Variants in TBC1D19 observed in about 807,000 individuals in gnomAD.
TBC1D19 encodes TBC1 domain family member 19, also known as TBC1 domain family, member 19.
In TBC1D19, 60 loss-of-function variants were observed where a neutral mutation model predicts 89.0. The ratio of observed to expected loss-of-function variants is 0.67; its 90% CI spans 0.55 to 0.84. The LOEUF (loss-of-function observed/expected upper bound fraction) is 0.84, where lower values mean the gene tolerates loss of function less well. Among genes scored for constraint, TBC1D19 ranks in the 40% least tolerant of loss-of-function variants. The pLI, the probability that TBC1D19 is intolerant of heterozygous loss-of-function variation, is 0.00. For synonymous variants in TBC1D19, 189 were observed against 199.7 expected (o/e 0.95, Z 0.45); for missense variants, 500 against 610.8 (o/e 0.82, Z 1.91).
At chr4:26,703,456 G>C in intron 13 of TBC1D19, among the ~76,000 whole-genome samples, 1 of 152,202 alleles carries the variant, frequency 6.6e-6, no homozygotes, top group Middle Eastern at 3.4e-3. Context: ...TTAATTACAG[G>C]CATTCCTTTA....
intron 7 of TBC1D19, among the ~76,000 whole-genome samples, chr4:26,647,193 A>G (rs1369285764): frequency 6.6e-6 from 1 of 152,148 alleles, no homozygotes; most frequent in Non-Finnish European, 1.5e-5. Context: ...ATCACCTTCA[A>G]GTATCTAGGT....
At chr4:26,820,347 C>G in the TBC1D19 span, among the ~76,000 whole-genome samples, 1 of 152,202 alleles carries the variant, frequency 6.6e-6, no homozygotes, top group Non-Finnish European at 1.5e-5. Context: ...CTGCCCACCC[C>G]TATCCTCCAA....
the TBC1D19 span, among the ~76,000 whole-genome samples, chr4:26,800,240 G>A: frequency 6.6e-6 from 1 of 152,162 alleles, no homozygotes. Context: ...CCACCTATGA[G>A]TGAGAACATG....
intron 7 of TBC1D19, among the ~76,000 whole-genome samples, chr4:26,648,403 T>C (rs1314352751): frequency 6.6e-6 from 1 of 152,334 alleles, no homozygotes; most frequent in Middle Eastern, 3.4e-3. Flanking sequence ...ATATTACAAC[T>C]GACTAGTTAG....
the TBC1D19 span, among the ~76,000 whole-genome samples, chr4:26,809,210 G>A: frequency 1.3e-5 from 2 of 152,144 alleles, no homozygotes; most frequent in Non-Finnish European, 2.9e-5. Flanking sequence ...TTCTCCATCT[G>A]CCCCTCCAGG....
intron 12 of TBC1D19, among the ~76,000 whole-genome samples, chr4:26,685,807 G>A (rs1713761949): frequency 6.6e-6 from 1 of 152,114 alleles, no homozygotes; most frequent in Non-Finnish European, 1.5e-5. Flanking sequence ...GAGATCTTTT[G>A]GCCTGTAAGA....
the TBC1D19 span, among the ~76,000 whole-genome samples, chr4:26,797,687 A>T: frequency 6.6e-6 from 1 of 152,222 alleles, no homozygotes; most frequent in Non-Finnish European, 1.5e-5. Flanking sequence ...GTGCTGCTAC[A>T]AAATTAGACA....
At chr4:26,681,851 T>A (rs974837258) in intron 11 of TBC1D19, among the ~76,000 whole-genome samples, 1 of 152,206 alleles carries the variant, frequency 6.6e-6, no homozygotes, top group African/African-American at 2.4e-5. Context: ...GACTATGATA[T>A]GATTCCATTT....
the TBC1D19 span, among the ~76,000 whole-genome samples, chr4:26,805,893 G>A: frequency 6.6e-6 from 1 of 152,238 alleles, no homozygotes; most frequent in African/African-American, 2.4e-5. Flanking sequence ...GGTTGAACCT[G>A]GGAGGTGGTT....
the TBC1D19 span, among the ~76,000 whole-genome samples, chr4:26,832,166 A>C: frequency 6.6e-6 from 1 of 152,194 alleles, no homozygotes; most frequent in Non-Finnish European, 1.5e-5. Context: ...AAATAAAACT[A>C]TATTCTTTAA....
intron 13 of TBC1D19, among the ~76,000 whole-genome samples, chr4:26,698,848 A>T (rs1216934547): frequency 6.6e-6 from 1 of 152,226 alleles, no homozygotes; most frequent in Non-Finnish European, 1.5e-5. Context: ...CTTACACCTT[A>T]TACAAAAATT....
At chr4:26,851,357 C>CTGTCTATCTATT in the TBC1D19 span, among the ~76,000 whole-genome samples, 8 of 151,144 alleles carry the variant, frequency 5.3e-5, no homozygotes, top group African/African-American at 2.0e-4. Context: ...ATCTATCTAT[C>CTGTCTATCTATT]TATCATCTAT....
chr4:26,633,596 C>G (rs1430384420), intron 4 of TBC1D19, among the ~76,000 whole-genome samples: 2 of 152,100 alleles, frequency 1.3e-5, no homozygotes, highest in Non-Finnish European at 2.9e-5. Context: ...CAGATAACGG[C>G]AGTCCTGTTC....
At chr4:26,685,622 T>C (rs1051566963) in intron 12 of TBC1D19, among the ~76,000 whole-genome samples, 20 of 152,224 alleles carry the variant, frequency 1.3e-4, no homozygotes, top group African/African-American at 4.8e-4. Flanking sequence ...TTCAGAACTG[T>C]ATTCTTAACC....
chr4:26,847,400 G>A, the TBC1D19 span, among the ~76,000 whole-genome samples: 1 of 152,236 alleles, frequency 6.6e-6, no homozygotes, highest in African/African-American at 2.4e-5. Context: ...TGTGCAAAGA[G>A]CTGAAGGAGA....
At chr4:26,620,822 A>T (rs1241172281) in intron 4 of TBC1D19, 134 bp downstream of exon 4, 1 of 716,304 alleles carries the variant, frequency 1.4e-6, no homozygotes, top group Admixed American at 3.1e-5. Flanking sequence ...ATTTATGTTA[A>T]TAGTATTTGT....
chr4:26,745,322 G>A (rs1010601372), intron 18 of TBC1D19, among the ~76,000 whole-genome samples: 1 of 151,398 alleles, frequency 6.6e-6, no homozygotes, highest in Non-Finnish European at 1.5e-5. Context: ...TATTGAATTG[G>A]AATCAACTAT....
intron 1 of TBC1D19, among the ~76,000 whole-genome samples, chr4:26,595,993 G>T (rs545580396): frequency 4.5e-4 from 68 of 152,042 alleles, no homozygotes; most frequent in South Asian, 4.4e-3. Context: ...GTGTCACTTT[G>T]TCGCCCGGGC....
At chr4:26,692,560 G>C (rs1714392798) in intron 13 of TBC1D19, among the ~76,000 whole-genome samples, 6 of 152,198 alleles carry the variant, frequency 3.9e-5, no homozygotes, top group Admixed American at 3.3e-4. Flanking sequence ...GCCAGAATGG[G>C]AGACAGCTTT....
Sources: allele counts gnomAD v4.1 joint callset (sites outside exome capture counted in the v4.1 genomes callset), GRCh38; gene constraint gnomAD v4.1.1; transcripts MANE v1.5; gene names NCBI Gene and HGNC (gene_info 2026-07-23, HGNC 2026-07-21).